PLEKHA7: variants seen among roughly 807,000 people sequenced by gnomAD.
The protein encoded by PLEKHA7 is pleckstrin homology domain containing A7, also known as pleckstrin homology domain-containing family A member 7.
In PLEKHA7, 104 loss-of-function variants were observed where a neutral mutation model predicts 170.0. The observed-to-expected ratio is 0.61, with a 90% CI of 0.52 to 0.72. PLEKHA7 has a LOEUF of 0.72. Ranked by LOEUF, PLEKHA7 falls within the 30% of genes least tolerant of loss-of-function variation. The pLI is 0.00. For synonymous variants in PLEKHA7, 648 were observed against 660.8 expected (o/e 0.98, Z 0.30); for missense variants, 1,615 against 1,671.7 (o/e 0.97, Z 0.59).
At chr11:16,813,408 G>GA (rs1325930345) in intron 12 of PLEKHA7, 2 of 427,634 alleles carry the variant, frequency 4.7e-6, no homozygotes, top group Admixed American at 6.9e-5. Flanking sequence ...CTGGCTAGGG[G>GA]AAGAGTTTGG....
At chr11:16,885,536 G>C (rs1358317755) in intron 3 of PLEKHA7, among the ~76,000 whole-genome samples, 1 of 151,310 alleles carries the variant, frequency 6.6e-6, no homozygotes, top group Non-Finnish European at 1.5e-5. Context: ...TGGTGGCGGA[G>C]CCTGTAATCC....
intron 3 of PLEKHA7, among the ~76,000 whole-genome samples, chr11:16,918,601 GT>G (rs972513719): frequency 2.0e-5 from 3 of 152,196 alleles, no homozygotes; most frequent in African/African-American, 7.2e-5. Context: ...TTCACTAAGG[GT>G]TGGCTCCCTT....
chr11:16,997,064 T>C (rs902058876), intron 3 of PLEKHA7, among the ~76,000 whole-genome samples: 25 of 152,212 alleles, frequency 1.6e-4, no homozygotes, highest in African/African-American at 5.8e-4. Context: ...CAGCATGGAC[T>C]GATTTGTGGA....
At chr11:16,929,800 C>T (rs1249918103) in intron 3 of PLEKHA7, among the ~76,000 whole-genome samples, 3 of 151,780 alleles carry the variant, frequency 2.0e-5, no homozygotes. Flanking sequence ...GTCAAGAGAT[C>T]GAGACCATCC....
chr11:16,798,604 A>G (rs1168468602), intron 17 of PLEKHA7, among the ~76,000 whole-genome samples: 1 of 152,272 alleles, frequency 6.6e-6, no homozygotes, highest in Non-Finnish European at 1.5e-5. Flanking sequence ...AATTAAAGCA[A>G]GATGCCATTT....
intron 3 of PLEKHA7, among the ~76,000 whole-genome samples, chr11:16,941,180 T>C (rs1009764811): frequency 1.3e-5 from 2 of 152,112 alleles, no homozygotes; most frequent in Non-Finnish European, 2.9e-5. Context: ...TACCCCTCCC[T>C]AGGGTGTCCT....
intron 3 of PLEKHA7, among the ~76,000 whole-genome samples, chr11:16,902,979 T>C (rs1857433282): frequency 6.6e-6 from 1 of 152,178 alleles, no homozygotes; most frequent in Admixed American, 6.5e-5. Flanking sequence ...ACAGAGAAGT[T>C]GGGAGCAAAG....
intron 3 of PLEKHA7, among the ~76,000 whole-genome samples, chr11:16,990,707 T>G (rs1414109383): frequency 1.3e-5 from 2 of 152,192 alleles, no homozygotes; most frequent in African/African-American, 2.4e-5. Context: ...CATTACCAAA[T>G]ACTCGTACTA....
chr11:16,888,373 G>T (rs1856331659), intron 3 of PLEKHA7, among the ~76,000 whole-genome samples: 1 of 152,284 alleles, frequency 6.6e-6, no homozygotes. Context: ...GCGGGCCAAT[G>T]ATGACGATGG....
At chr11:16,906,155 C>T (rs1857646317) in intron 3 of PLEKHA7, among the ~76,000 whole-genome samples, 1 of 150,348 alleles carries the variant, frequency 6.7e-6, no homozygotes, top group South Asian at 2.1e-4. Context: ...AAGTCCTAAT[C>T]CCAGAACTTC....
At chr11:16,888,027 C>T (rs181644989) in intron 3 of PLEKHA7, among the ~76,000 whole-genome samples, 16,211 of 144,958 alleles carry the variant, frequency 0.11, 1,068 homozygotes, top group East Asian at 0.17. Context: ...ATGTGAGGAG[C>T]GCCTCTGCCT....
chr11:16,953,901 G>A (rs1318625349), intron 3 of PLEKHA7, among the ~76,000 whole-genome samples: 1 of 152,158 alleles, frequency 6.6e-6, no homozygotes, highest in African/African-American at 2.4e-5. Flanking sequence ...TGTGACAAAT[G>A]GCACAAGGTT....
At chr11:16,896,749 A>C (rs1268735867) in intron 3 of PLEKHA7, among the ~76,000 whole-genome samples, 5 of 152,206 alleles carry the variant, frequency 3.3e-5, no homozygotes, top group African/African-American at 1.2e-4. Context: ...TAAACTTCTT[A>C]AACCTGTTCC....
At chr11:16,860,699 C>T (rs1853873943) in intron 4 of PLEKHA7, among the ~76,000 whole-genome samples, 1 of 152,142 alleles carries the variant, frequency 6.6e-6, no homozygotes, top group South Asian at 2.1e-4. Context: ...CTGGGCTTTG[C>T]CACAGAAAGA....
At chr11:16,974,093 T>C (rs2136751179) in intron 3 of PLEKHA7, among the ~76,000 whole-genome samples, 1 of 152,284 alleles carries the variant, frequency 6.6e-6, no homozygotes, top group South Asian at 2.1e-4. Flanking sequence ...TAAGACTCAC[T>C]TAAAAATTTT....
chr11:16,799,492 C>A (rs529418482), intron 17 of PLEKHA7, among the ~76,000 whole-genome samples: 11 of 151,688 alleles, frequency 7.3e-5, no homozygotes, highest in African/African-American at 2.2e-4. Context: ...TTCAAAGACA[C>A]GTATTCATGT....
intron 21 of PLEKHA7, 164 bp from the exon 22 acceptor site, chr11:16,790,042 A>G: frequency 1.5e-6 from 1 of 674,670 alleles, no homozygotes; most frequent in Non-Finnish European, 2.6e-6. Flanking sequence ...GGTCCCCAAT[A>G]GAGGATGGGG....
intron 3 of PLEKHA7, among the ~76,000 whole-genome samples, chr11:17,008,500 T>C (rs1035900210): frequency 2.0e-5 from 3 of 152,264 alleles, no homozygotes; most frequent in Non-Finnish European, 4.4e-5. Context: ...GGCCTGTTCC[T>C]GGCTGTTGAG....
At chr11:16,935,616 A>G (rs1042189178) in intron 3 of PLEKHA7, among the ~76,000 whole-genome samples, 2 of 152,214 alleles carry the variant, frequency 1.3e-5, no homozygotes, top group Admixed American at 6.5e-5. Flanking sequence ...ATGAGCCAAA[A>G]TCCTTACTGA....
Sources: gnomAD v4.1 joint callset for allele counts (sites outside exome capture counted in the v4.1 genomes callset) on GRCh38, gnomAD v4.1.1 for gene constraint, MANE v1.5 for transcripts, NCBI Gene and HGNC (gene_info 2026-07-23, HGNC 2026-07-21) for gene names.